Variants in CTNNA3 observed in about 807,000 individuals in gnomAD.
CTNNA3 encodes catenin alpha-3.
A neutral mutation model predicts 95.7 loss-of-function variants in CTNNA3; 76 were observed. The observed-to-expected ratio is 0.79, with a 90% CI of 0.66 to 0.96. The LOEUF (loss-of-function observed/expected upper bound fraction) is 0.96. Among genes scored for constraint, CTNNA3 ranks in the 40% least tolerant of loss-of-function variants. The pLI, the probability that CTNNA3 is intolerant of heterozygous loss-of-function variation, is 0.00. For missense variants in CTNNA3, 1,191 were observed against 1,089.8 expected, an observed-to-expected ratio of 1.09 and a Z score of -1.31; for synonymous variants, 431 against 374.4, an observed-to-expected ratio of 1.15 and a Z score of -1.74.
chr10:67,682,396 G>A (rs1840644984), intron 1 of CTNNA3, among the ~76,000 whole-genome samples: 1 of 151,242 alleles, frequency 6.6e-6, no homozygotes, highest in African/African-American at 2.4e-5. Context: ...TAAAAAGAAG[G>A]GCAATGGGTT....
intron 5 of CTNNA3, among the ~76,000 whole-genome samples, chr10:67,451,406 A>T (rs966749765): frequency 6.6e-6 from 1 of 152,164 alleles, no homozygotes; most frequent in African/African-American, 2.4e-5. Context: ...AAAAGCAATT[A>T]TGAGAAAAAG....
At chr10:66,295,265 A>G (rs1486925304) in intron 12 of CTNNA3, among the ~76,000 whole-genome samples, 1 of 152,230 alleles carries the variant, frequency 6.6e-6, no homozygotes, top group Non-Finnish European at 1.5e-5. Flanking sequence ...AACTGCATTT[A>G]TCTAATGCAC....
intron 5 of CTNNA3, among the ~76,000 whole-genome samples, chr10:67,232,317 C>G (rs1307728399): frequency 9.2e-5 from 14 of 152,166 alleles, no homozygotes; most frequent in Non-Finnish European, 1.8e-4. Context: ...GATCTCTCAG[C>G]AGAAACTCTA....
At chr10:65,956,398 CT>C (rs1050220593) in intron 17 of CTNNA3, among the ~76,000 whole-genome samples, 4 of 152,146 alleles carry the variant, frequency 2.6e-5, no homozygotes, top group African/African-American at 9.7e-5. Flanking sequence ...TTCAGTTCTG[CT>C]CTGATCTTAG....
chr10:66,519,450 G>T (rs528969711), intron 11 of CTNNA3, among the ~76,000 whole-genome samples: 1 of 152,084 alleles, frequency 6.6e-6, no homozygotes, highest in East Asian at 1.9e-4. Flanking sequence ...AAATCTTGGA[G>T]CCCCAAAATT....
At chr10:67,004,169 T>C (rs1018554314) in intron 7 of CTNNA3, among the ~76,000 whole-genome samples, 9 of 151,904 alleles carry the variant, frequency 5.9e-5, no homozygotes, top group Admixed American at 5.2e-4. Context: ...TAGTGACAAA[T>C]ACTTAATTAA....
intron 1 of CTNNA3, among the ~76,000 whole-genome samples, chr10:67,670,386 A>G (rs1269089060): frequency 6.6e-6 from 1 of 152,266 alleles, no homozygotes; most frequent in Non-Finnish European, 1.5e-5. Flanking sequence ...ACAAAAACAA[A>G]ATCAATTTTG....
At position 67,413,690 on chromosome 10, in the gene CTNNA3, G is replaced by A. The variant is rs377171781; in HGVS notation, c.579+108152C>T. Among the ~76,000 whole-genome samples, 3 of 152,138 alleles carry A rather than the reference G, an allele frequency of 2.0e-5. No homozygotes were observed. In the East Asian group the frequency reaches 5.8e-4, roughly 29 times the overall value. ...AACCACATGCTCAGTCATAAAGCAG[G>A]CCTCAATAAATTCAGAAAGAAATTG... On this transcript the variant is annotated intron_variant, in intron 5 of 17. Transcript: ENST00000433211.
At position 67,219,676 on chromosome 10, in the gene CTNNA3, C is replaced by A; in HGVS notation, c.774G>T (p.Gly258=). The A allele has an allele frequency of 1.2e-6, 2 of 1,614,108 alleles. No individual in the cohort carries two copies. Among genetic ancestry groups the A allele is most frequent in the Non-Finnish European group, 1.7e-6 (2 of 1,180,016 alleles). Residue 258 remains glycine, a synonymous_variant, in exon 6 of 18, where the codon GGG becomes GGT. Coordinates refer to ENST00000433211, the MANE Select transcript of CTNNA3 (RefSeq NM_013266.4). ...CTGGTGGGGTTGTCATATTCTGGAT[C>A]CCTTGTGAAGCATTTGAAATTACAT... ...ALNVISNASQ[G]IQNMTTPPEP...
At chr10:66,546,594 A>T (rs1489549229) in intron 10 of CTNNA3, among the ~76,000 whole-genome samples, 1 of 152,158 alleles carries the variant, frequency 6.6e-6, no homozygotes, top group Non-Finnish European at 1.5e-5. Flanking sequence ...GTGAAGGGGA[A>T]GCAAGGCACC....
At chr10:67,127,384 T>A (rs1438047178) in intron 7 of CTNNA3, among the ~76,000 whole-genome samples, 1 of 152,202 alleles carries the variant, frequency 6.6e-6, no homozygotes, top group Admixed American at 6.5e-5. Context: ...AGAAAGACCA[T>A]TCTCAAGCCC....
rs1327685339 is a variant in CTNNA3, at chr10:66,989,157, A to G, written c.1047+191160T>C. On this transcript the variant is annotated intron_variant, in intron 7 of 17. Transcript: ENST00000433211. ...GCAAGAAATGAAGAATCCGACTTGG[A>G]GTAAAATCTTTTTGAAGGTAATGCC... Among the ~76,000 whole-genome samples the G allele has an allele frequency of 2.0e-5, 3 of 152,120 alleles. No individual in the cohort carries two copies. In the East Asian group the frequency reaches 5.8e-4, roughly 29 times the overall value.
intron 10 of CTNNA3, among the ~76,000 whole-genome samples, chr10:66,550,883 A>G (rs1447025155): frequency 2.0e-5 from 3 of 152,008 alleles, no homozygotes; most frequent in Non-Finnish European, 2.9e-5. Context: ...CTAAGAGTTA[A>G]TATTGTATTA....
chr10:67,737,793 T>C (rs548092619), intron 1 of CTNNA3, among the ~76,000 whole-genome samples: 5 of 152,280 alleles, frequency 3.3e-5, no homozygotes, highest in African/African-American at 1.2e-4. Flanking sequence ...AGGAACACTT[T>C]TACACTGTTG....
intron 7 of CTNNA3, among the ~76,000 whole-genome samples, chr10:66,820,693 T>C (rs1246394206): frequency 6.6e-6 from 1 of 151,024 alleles, no homozygotes. Flanking sequence ...GGTGACGGGA[T>C]CATGAGTGGT....
At chr10:65,966,528 G>C in intron 17 of CTNNA3, 84 bp downstream of exon 17, 3 of 1,164,238 alleles carry the variant, frequency 2.6e-6, no homozygotes, top group Non-Finnish European at 3.5e-6. Context: ...TTACCTAAAA[G>C]ATTTGGTCAT....
chr10:66,546,040 G>C (rs1182785582), intron 10 of CTNNA3, among the ~76,000 whole-genome samples: 1 of 151,368 alleles, frequency 6.6e-6, no homozygotes, highest in African/African-American at 2.4e-5. Context: ...CCATGTGAAG[G>C]CTTATACTTT....
intron 5 of CTNNA3, among the ~76,000 whole-genome samples, chr10:67,379,576 A>G (rs879315818): frequency 9.2e-5 from 14 of 152,214 alleles, no homozygotes; most frequent in Non-Finnish European, 1.8e-4. Flanking sequence ...AAAGCAAACA[A>G]GTTTATACTT....
chr10:66,435,442 T>C (rs2093330179), intron 11 of CTNNA3, among the ~76,000 whole-genome samples: 1 of 152,192 alleles, frequency 6.6e-6, no homozygotes, highest in Admixed American at 6.5e-5. Context: ...CATAGAGGTG[T>C]TTATAGTATT....
Sources: gnomAD v4.1 joint callset for allele counts (sites outside exome capture counted in the v4.1 genomes callset) on GRCh38, gnomAD v4.1.1 for gene constraint, MANE v1.5 for transcripts, NCBI Gene and HGNC (gene_info 2026-07-23, HGNC 2026-07-21) for gene names.